The following MOK variants were observed in gnomAD, a reference collection of about 807,000 sequenced individuals.
MOK encodes MAPK/MAK/MRK overlapping kinase.
A neutral mutation model predicts 54.2 loss-of-function variants in MOK; 59 were observed. That is an observed-to-expected ratio of 1.09 (90% confidence interval 0.88 to 1.35). The LOEUF (loss-of-function observed/expected upper bound fraction) is 1.35, where lower values mean the gene tolerates loss of function less well. Among genes scored for constraint, MOK ranks in the 40% most tolerant of loss-of-function variants. The pLI is 0.00. For synonymous variants in MOK, 210 were observed against 202.7 expected, an observed-to-expected ratio of 1.04 and a Z score of -0.31; for missense variants, 517 against 526.2, an observed-to-expected ratio of 0.98 and a Z score of 0.17.
At chr14:102,285,595 T>G (rs2069952302) in intron 1 of MOK, among the ~76,000 whole-genome samples, 1 of 152,182 alleles carries the variant, frequency 6.6e-6, no homozygotes, top group African/African-American at 2.4e-5. Context: ...ATACAATAAT[T>G]GGAATTTACT....
At chr14:102,242,326 T>C (rs777579620) in intron 7 of MOK, among the ~76,000 whole-genome samples, 35 of 152,214 alleles carry the variant, frequency 2.3e-4, no homozygotes, top group Non-Finnish European at 4.7e-4. Flanking sequence ...AACATTCTTC[T>C]GTGCACTCCT....
At chr14:102,284,901 C>T (rs537693005) in intron 1 of MOK, among the ~76,000 whole-genome samples, 1 of 152,008 alleles carries the variant, frequency 6.6e-6, no homozygotes, top group African/African-American at 2.4e-5. Context: ...GGCCAACATG[C>T]CAAAACCCTG....
chr14:102,252,239 T>C (rs768593228), intron 4 of MOK, among the ~76,000 whole-genome samples: 11 of 151,904 alleles, frequency 7.2e-5, no homozygotes, highest in Non-Finnish European at 1.6e-4. Context: ...CTGAGGTGGG[T>C]GGATCAGGAG....
intron 2 of MOK, among the ~76,000 whole-genome samples, chr14:102,281,323 C>CAAAAAAAAAAA (rs552091844): frequency 1.6e-5 from 2 of 127,680 alleles, no homozygotes; most frequent in Non-Finnish European, 3.4e-5. Flanking sequence ...GACTCTGTCT[C>CAAAAAAAAAAA]AAAAAAAAAA....
At chr14:102,223,246 A>T (rs2064113868), downstream of MOK, 1 of 154,888 alleles carries the variant, frequency 6.5e-6, no homozygotes, top group East Asian at 1.9e-4. Flanking sequence ...TTCAGCTGTT[A>T]TAGTGCTTCA....
downstream of MOK, chr14:102,223,682 T>TTATC (rs1199149664): frequency 6.6e-6 from 1 of 152,452 alleles, no homozygotes; most frequent in Non-Finnish European, 1.5e-5. Context: ...TACCGCTTGT[T>TTATC]TATCTTCTGT....
chr14:102,242,462 C>G (rs1029113731), intron 7 of MOK, among the ~76,000 whole-genome samples: 1 of 152,030 alleles, frequency 6.6e-6, no homozygotes, highest in Non-Finnish European at 1.5e-5. Context: ...CAGTTCAAAG[C>G]CTCCTTCACA....
At chr14:102,285,847 G>A (rs35764326) in intron 1 of MOK, among the ~76,000 whole-genome samples, 19,404 of 152,002 alleles carry the variant, frequency 0.13, 1,695 homozygotes, top group African/African-American at 0.25. Context: ...AGCCAAGATC[G>A]CACCACTGCA....
intron 1 of MOK, among the ~76,000 whole-genome samples, chr14:102,300,323 CAAA>C (rs71468398): frequency 9.1e-4 from 35 of 38,470 alleles, no homozygotes; most frequent in Non-Finnish European, 1.6e-3. Flanking sequence ...AACTCTATCT[CAAA>C]AAAAAAAAAA....
chr14:102,241,554 C>T lies in MOK; in HGVS notation c.591-7765G>A, dbSNP rs181732294. Among the ~76,000 whole-genome samples, 398 of 152,308 alleles carry T rather than the reference C, an allele frequency of 2.6e-3. 4 individuals are homozygous for T. The highest frequency in any genetic ancestry group is 9.0e-3 in the African/African-American group (374 of 41,556). On this transcript the variant is annotated intron_variant, in intron 7 of 11. Transcript: ENST00000361847. The stretch of plus-strand genomic sequence containing the variant: ...TAAAAACTCAACCCAGTTCATGGCC[C>T]GTTTGGCAACAACCCTTAGATGCTT...
At position 102,231,868 on chromosome 14, in the gene MOK, A is replaced by G; in HGVS notation, c.867-47T>C. 2 of 1,515,226 alleles carry G rather than the reference A, an allele frequency of 1.3e-6. No homozygotes were observed. The highest frequency in any genetic ancestry group is 1.8e-6 in the Non-Finnish European group (2 of 1,094,878). 93.9% of individuals were successfully genotyped at this position (1,515,226 alleles called of 1,614,324 possible). On this transcript the variant is annotated intron_variant, in intron 9 of 11. Coordinates refer to ENST00000361847, the MANE Select transcript of MOK (RefSeq NM_014226.3). This position sits in a 1 kb window ranked among gnomAD's most constrained non-coding sequence, Gnocchi z 4.4. The stretch of plus-strand genomic sequence containing the variant: ...TGGAGCAGCTCCACTGAGAGCCCGC[A>G]GAGCACACGGCCTACTGGCTTCTTT...
chr14:102,255,074 C>G (rs2066826446), intron 4 of MOK, among the ~76,000 whole-genome samples: 1 of 152,188 alleles, frequency 6.6e-6, no homozygotes, highest in South Asian at 2.1e-4. Context: ...AATCCCAGCA[C>G]TTTGGGAGGC....
chr14:102,222,709 C>A, downstream of MOK: 1 of 984,618 alleles, frequency 1.0e-6, no homozygotes, highest in Non-Finnish European at 1.6e-6. This position sits in a 1 kb window ranked among gnomAD's most constrained non-coding sequence, Gnocchi z 4.4. Context: ...TTTGCTCCCA[C>A]ACTGGCTTCC....
In MOK at chr14:102,240,196, G is replaced by A. The variant is rs1267678955; in HGVS notation, c.591-6407C>T. Among the ~76,000 whole-genome samples the A allele has an allele frequency of 2.6e-5, 4 of 152,052 alleles. No individual in the cohort carries two copies. The highest frequency in any genetic ancestry group is 6.6e-5 in the Admixed American group (1 of 15,252). On this transcript the variant is annotated intron_variant, in intron 7 of 11. Coordinates refer to ENST00000361847, the MANE Select transcript of MOK (RefSeq NM_014226.3). The surrounding 1 kb of genome is among the most constrained non-coding windows in gnomAD (Gnocchi z 5.4). ...ACTACCTACCCAAATCCTATAAAAC[G>A]ACCCACCCCTATCTCCCTTTGCTGA... is the stretch of plus-strand genomic sequence containing the variant.
intron 2 of MOK, among the ~76,000 whole-genome samples, chr14:102,276,791 CAAAA>C (rs34807608): frequency 9.9e-6 from 1 of 100,920 alleles, no homozygotes; most frequent in Non-Finnish European, 2.3e-5. Context: ...AACTCCGTCT[CAAAA>C]AAAAAAAAAA....
At chr14:102,297,132 C>T (rs1169439802) in intron 1 of MOK, among the ~76,000 whole-genome samples, 1 of 151,794 alleles carries the variant, frequency 6.6e-6, no homozygotes, top group African/African-American at 2.4e-5. Context: ...CCAAGGTGGG[C>T]AGATCACGAG....
chr14:102,290,379 G>A (rs1479914973), intron 1 of MOK, among the ~76,000 whole-genome samples: 5 of 151,944 alleles, frequency 3.3e-5, no homozygotes, highest in Non-Finnish European at 7.4e-5. Context: ...GGAGGAGGTT[G>A]CGGTGAGCCG....
intron 2 of MOK, among the ~76,000 whole-genome samples, chr14:102,267,811 G>C (rs889463756): frequency 6.6e-6 from 1 of 152,104 alleles, no homozygotes; most frequent in African/African-American, 2.4e-5. Flanking sequence ...AAAAGACACA[G>C]CCCACCATGC....
rs377315296 is a variant in MOK at position 102,250,770 on chromosome 14, G to A, written c.590+42C>T. The A allele has an allele frequency of 5.5e-5, 87 of 1,591,784 alleles. 1 individual carries two copies. In the African/African-American group the frequency reaches 8.7e-4, roughly 16 times the overall value. On this transcript the variant is annotated intron_variant, in intron 7 of 11. Transcript: ENST00000361847. ...GGAGCACGAGCCTGGCTGCTGCACCGCTCCGCCGCAGGAACCAGGCAGGAG... is the reference window on the plus strand; with the variant it reads ...GGAGCACGAGCCTGGCTGCTGCACCACTCCGCCGCAGGAACCAGGCAGGAG...
Sources: allele counts gnomAD v4.1 joint callset (sites outside exome capture counted in the v4.1 genomes callset), GRCh38; gene constraint gnomAD v4.1.1; non-coding constraint Gnocchi (gnomAD v3.1); transcripts MANE v1.5; gene names NCBI Gene and HGNC (gene_info 2026-07-23, HGNC 2026-07-21).